The following IL13RA2 variants were observed in gnomAD, a reference collection of about 807,000 sequenced individuals.
IL13RA2 encodes interleukin 13 receptor subunit alpha 2, also known as interleukin-13 receptor subunit alpha-2.
A neutral mutation model predicts 34.1 loss-of-function variants in IL13RA2; 25 were observed. That is an observed-to-expected ratio of 0.73 (90% CI 0.53 to 1.03). The LOEUF (loss-of-function observed/expected upper bound fraction) is 1.03, where lower values mean the gene tolerates loss of function less well. Ranked by LOEUF, IL13RA2 falls within the 50% of genes least tolerant of loss-of-function variation. The probability of loss-of-function intolerance (pLI) is 0.00; values close to 1 mark genes in which losing one functional copy is unlikely to be tolerated. For missense variants in IL13RA2, 297 were observed against 280.9 expected (o/e 1.06, Z -0.41); for synonymous variants, 106 against 100.4 (o/e 1.06, Z -0.33).
At chrX:115,010,939 T>A in intron 5 of IL13RA2, 111 bp from the exon 6 acceptor site, 1 of 372,142 alleles carries the variant, frequency 2.7e-6, no homozygotes, top group African/African-American at 2.6e-5. Flanking sequence ...AATCATTTAA[T>A]AATGTACAAT....
chrX:115,009,580 T>C lies in IL13RA2; in HGVS notation c.793A>G (p.Ile265Val). 8.4e-7 allele frequency: 1 copy of C among 1,192,842 alleles called. No individual in the cohort carries two copies. The highest frequency in any genetic ancestry group is 1.1e-6 in the Non-Finnish European group (1 of 878,409). The change falls in exon 7 of 10, where the codon ATT becomes GTT. Residue 265 changes from isoleucine to valine, a missense_variant. Transcript: ENST00000243213. The part of the protein sequence containing the change: ...KLKWSIPLGP[I>V]PARCFDYEIE... ...TCATAATCAAAACACCTTGCTGGAA[T>C]AGGTCCCAAAGGTATGCTCCATTTC...
chrX:115,007,672 A>G (rs2071690395), intron 8 of IL13RA2, among the ~76,000 whole-genome samples: 1 of 111,918 alleles, frequency 8.9e-6, no homozygotes, highest in Admixed American at 9.5e-5. Flanking sequence ...CAATCTCTCA[A>G]AAGAATGAGC....
At chrX:115,005,804 G>C (rs1165535731) in intron 8 of IL13RA2, among the ~76,000 whole-genome samples, 3 of 111,947 alleles carry the variant, frequency 2.7e-5, no homozygotes, top group Non-Finnish European at 5.6e-5. Context: ...TTTTAAAGTT[G>C]TCTCATATTT....
chrX:115,009,462 T>C, intron 7 of IL13RA2, 59 bp downstream of exon 7: 1 of 983,431 alleles, frequency 1.0e-6, no homozygotes, highest in Non-Finnish European at 1.4e-6. Flanking sequence ...TTCTCACATT[T>C]GCTATTTTAT....
chrX:115,015,450 T>C (rs1256772176), intron 3 of IL13RA2, among the ~76,000 whole-genome samples: 3 of 111,735 alleles, frequency 2.7e-5, no homozygotes, highest in African/African-American at 9.8e-5. Context: ...TTTTTGTTTT[T>C]GTTTTTGTTT....
chrX:115,015,364 A>G (rs1365627063), intron 3 of IL13RA2, among the ~76,000 whole-genome samples: 2 of 111,761 alleles, frequency 1.8e-5, no homozygotes, highest in East Asian at 5.6e-4. Context: ...CCAAGAATAT[A>G]AGCAATTGTA....
rs138329093 is a variant in IL13RA2, at chrX:115,005,268, C to A, written c.1045G>T (p.Gly349Cys). ...AATATAACTAATATTAAGATGAAAC[C>A]AAATGGTAGCCAGAAACGTAGCAAA... is the stretch of plus-strand genomic sequence containing the variant. ...KTLLRFWLPF[G>C]FILILVIFVT... The change falls in exon 9 of 10, where the codon GGT (glycine) becomes TGT (cysteine). Residue 349 changes from glycine (G) to cysteine (C), a missense_variant. Gly to Cys is a radical substitution (Grantham distance 159, BLOSUM62 -3). Transcript: ENST00000243213. 3.5e-6 allele frequency: 4 copies of A among 1,145,864 alleles called. No individual in the cohort carries two copies. The African/African-American group carries it at 7.1e-5, about 20-fold the overall frequency. The allele number at this position is 1,145,864 out of a possible 1,213,427, so 94.4% of individuals were successfully genotyped here.
intron 8 of IL13RA2, among the ~76,000 whole-genome samples, chrX:115,005,739 A>C (rs782014737): frequency 8.9e-6 from 1 of 112,339 alleles, no homozygotes; most frequent in Non-Finnish European, 1.9e-5. Context: ...AGCAAGAGGT[A>C]TCCTTCAATA....
intron 1 of IL13RA2, 65 bp from the exon 2 acceptor site, chrX:115,017,367 A>T: frequency 3.8e-6 from 2 of 530,618 alleles, no homozygotes; most frequent in Non-Finnish European, 6.6e-6. Flanking sequence ...AAACGTGATT[A>T]AAAATACTTT....
intron 6 of IL13RA2, among the ~76,000 whole-genome samples, chrX:115,010,207 G>A (rs6655346): frequency 0.094 from 10,341 of 110,426 alleles, 1,212 homozygotes; most frequent in African/African-American, 0.32. Flanking sequence ...TTAAACCCAG[G>A]TCTGGCAGAC....
At chrX:115,013,738 A>C in intron 5 of IL13RA2, 31 bp downstream of exon 5, 1 of 820,874 alleles carries the variant, frequency 1.2e-6, no homozygotes, top group East Asian at 3.2e-5. Context: ...GACATTTTTT[A>C]ATATGGAATT....
Position 115,010,688 on chromosome X carries a change from T to C in IL13RA2, c.662A>G (p.Lys221Arg). The C allele has an allele frequency of 9.8e-7, 1 of 1,019,572 alleles. No individual in the cohort carries two copies. The highest frequency in any genetic ancestry group is 1.4e-6 in the Non-Finnish European group (1 of 731,581). 84.0% of individuals were successfully genotyped at this position (1,019,572 alleles called of 1,213,427 possible). ...AGTGAAATAACTGGATCTGATAGGC[T>C]TGTTCTCTGATGATCCATTAACACA... ...YICVNGSSEN[K>R]PIRSSYFTFQ... Residue 221 changes from lysine to arginine, a missense_variant, in exon 6 of 10, where the codon AAG becomes AGG. Lys to Arg is a conservative substitution (Grantham distance 26). Coordinates refer to ENST00000243213, the MANE Select transcript of IL13RA2 (RefSeq NM_000640.3).
chrX:115,007,933 T>G lies in IL13RA2; in HGVS notation c.996A>C (p.Glu332Asp). ...AGTTACTGTCCTTTTAGCTCATACC[T>G]TCCCAGCATTGTTTATCACTCCACT... Reference protein sequence around the residue: ...WSEWSDKQCWEGEDLSKKTLL... With the variant: ...WSEWSDKQCWDGEDLSKKTLL... Residue 332 changes from glutamate to aspartate, a missense_variant and splice_region_variant, in exon 8 of 10, where the codon GAA (glutamate) becomes GAC (aspartate). Transcript: ENST00000243213. 9.1e-7 allele frequency: 1 copy of G among 1,098,223 alleles called. No individual in the cohort carries two copies. Among genetic ancestry groups the G allele is most frequent in the Non-Finnish European group, 1.3e-6 (1 of 798,658 alleles). 90.5% of individuals were successfully genotyped at this position (1,098,223 alleles called of 1,213,427 possible).
At chrX:115,004,429 G>A (rs1421665131) in intron 9 of IL13RA2, among the ~76,000 whole-genome samples, 1 of 103,485 alleles carries the variant, frequency 9.7e-6, no homozygotes, top group Non-Finnish European at 2.0e-5. Flanking sequence ...CATTGTGTCT[G>A]GCTAATGTTT....
At chrX:115,010,122 A>G (rs2071700331) in intron 6 of IL13RA2, among the ~76,000 whole-genome samples, 1 of 111,656 alleles carries the variant, frequency 9.0e-6, no homozygotes, top group Admixed American at 9.6e-5. Flanking sequence ...TGTTATCCTC[A>G]TGTTACTACT....
intron 5 of IL13RA2, among the ~76,000 whole-genome samples, chrX:115,012,491 G>A (rs1480518854): frequency 2.7e-5 from 3 of 112,152 alleles, no homozygotes; most frequent in African/African-American, 9.7e-5. Context: ...AAGGCCAGGC[G>A]CAGTGGCTCA....
Position 115,015,725 on chromosome X carries a change from T to G in IL13RA2, c.191A>C (p.Glu64Ala), listed in dbSNP as rs782286742. 8.4e-7 allele frequency: 1 copy of G among 1,197,017 alleles called. No individual in the cohort carries two copies. The highest frequency in any genetic ancestry group is 1.8e-5 in the South Asian group (1 of 56,604). ...QPPLSLDHFKECTVEYELKYR... is the reference protein window; with the variant it reads ...QPPLSLDHFKACTVEYELKYR... ...TTTTAGTTCATATTCCACTGTGCAT[T>G]CCTTAAAATGATCCAGAGACAGTGG... is the stretch of plus-strand genomic sequence containing the variant. The change falls in exon 3 of 10, where the codon GAA becomes GCA. Residue 64 changes from glutamate (E) to alanine (A), a missense_variant. Physicochemically the swap from Glu to Ala is moderately radical, Grantham distance 107. Coordinates refer to ENST00000243213, the MANE Select transcript of IL13RA2 (RefSeq NM_000640.3).
In IL13RA2 at chrX:115,014,427, G is replaced by T; in HGVS notation, c.394C>A (p.Pro132Thr). The change falls in exon 4 of 10, where the codon CCA becomes ACA. Residue 132 changes from proline to threonine, a missense_variant. Pro to Thr is a conservative substitution (Grantham distance 38). Transcript: ENST00000243213. ...AAGAGAGCTTTGTTTTAACCTTGTG[G>T]TGATATCCAATAAGTAGTTTCTGCC... ...SWAETTYWIS[P>T]QGIPETKVQD... is the part of the protein sequence containing the mutation. The T allele has an allele frequency of 8.5e-7, 1 of 1,179,672 alleles. No individual in the cohort carries two copies. The highest frequency in any genetic ancestry group is 1.1e-6 in the Non-Finnish European group (1 of 870,394).
chrX:115,010,946 C>G (rs1473250406), intron 5 of IL13RA2, 118 bp from the exon 6 acceptor site: 4 of 356,126 alleles, frequency 1.1e-5, no homozygotes, highest in African/African-American at 5.4e-5. Context: ...TAATAATGTA[C>G]AATATTTATT....
Sources: gnomAD v4.1 joint callset for allele counts (sites outside exome capture counted in the v4.1 genomes callset) on GRCh38, gnomAD v4.1.1 for gene constraint, MANE v1.5 for transcripts, NCBI Gene and HGNC (gene_info 2026-07-23, HGNC 2026-07-21) for gene names.